The following ZZEF1 variants were observed in gnomAD, a reference collection of about 807,000 sequenced individuals.
The protein encoded by ZZEF1 is zinc finger ZZ-type and EF-hand domain-containing protein 1.
Under a neutral mutation model 342.8 loss-of-function variants are expected in ZZEF1, and 157 were observed. The ratio of observed to expected loss-of-function variants is 0.46; its 90% confidence interval spans 0.40 to 0.52. The LOEUF (loss-of-function observed/expected upper bound fraction) is 0.52. Among genes scored for constraint, ZZEF1 ranks in the 20% least tolerant of loss-of-function variants. The pLI is 0.00. For synonymous variants in ZZEF1, 1,505 were observed against 1,429.1 expected, an observed-to-expected ratio of 1.05 and a Z score of -1.20; for missense variants, 3,480 against 3,725.6, an observed-to-expected ratio of 0.93 and a Z score of 1.72.
At chr17:4,081,560 C>T in intron 17 of ZZEF1, 70 bp from the exon 18 acceptor site, 2 of 1,320,176 alleles carry the variant, frequency 1.5e-6, no homozygotes, top group Non-Finnish European at 2.1e-6. Flanking sequence ...TTAAAAGATT[C>T]CAAAACAGAG....
intron 13 of ZZEF1, among the ~76,000 whole-genome samples, chr17:4,087,783 A>AACACACACACAC (rs10522603): frequency 0.028 from 4,071 of 145,934 alleles, 93 homozygotes; most frequent in African/African-American, 0.032. Flanking sequence ...ATATACACAC[A>AACACACACACAC]ACACACACAC....
intron 2 of ZZEF1, 91 bp downstream of exon 2, chr17:4,123,816 A>C: frequency 6.9e-7 from 1 of 1,446,170 alleles, no homozygotes; most frequent in South Asian, 1.4e-5. Flanking sequence ...GGGGGAGTTT[A>C]CTGCATGTGG....
rs887335142 is a variant in ZZEF1 at position 4,006,759 on chromosome 17, A to T, written c.*131T>A. On this transcript the variant is annotated 3_prime_UTR_variant, in exon 55 of 55. Coordinates refer to ENST00000381638, the MANE Select transcript of ZZEF1 (RefSeq NM_015113.4). ...GCTCTTGGAGACGTGGCTGCTTGGCATCCTAACTGGAGTGGTCAGCTCAAG... is the reference window on the plus strand; with the variant it reads ...GCTCTTGGAGACGTGGCTGCTTGGCTTCCTAACTGGAGTGGTCAGCTCAAG... 9.6e-6 allele frequency: 9 copies of T among 939,422 alleles called. No homozygotes were observed. The South Asian group carries it at 1.3e-4, about 13-fold the overall frequency. The allele number at this position is 939,422 out of a possible 1,614,324, so 58.2% of individuals were successfully genotyped here.
chr17:4,064,873 A>C (rs1431659817), intron 28 of ZZEF1, 44 bp from the exon 29 acceptor site: 5 of 1,425,204 alleles, frequency 3.5e-6, no homozygotes, highest in African/African-American at 1.4e-5. Context: ...AAAAAGTTAA[A>C]ATTATGGGGG....
At chr17:4,044,461 T>G (rs1253494128) in intron 37 of ZZEF1, 87 bp from the exon 38 acceptor site, 6 of 1,282,350 alleles carry the variant, frequency 4.7e-6, no homozygotes, top group African/African-American at 1.5e-5. Flanking sequence ...GATTAGCCAG[T>G]CTTCATAGAC....
In ZZEF1 at chr17:4,016,563, A is replaced by C; in HGVS notation, c.8002-97T>G. The stretch of plus-strand genomic sequence containing the variant: ...CCAAGCTCCACCCAAAGGTGCTGGC[A>C]TCATCTTAGACCTAGGACGAGCCTC... On this transcript the variant is annotated intron_variant, in intron 48 of 54. Coordinates refer to ENST00000381638, the MANE Select transcript of ZZEF1 (RefSeq NM_015113.4). This position sits in a 1 kb window ranked among gnomAD's most constrained non-coding sequence, Gnocchi z 4.4. The C allele has an allele frequency of 6.9e-7, 1 of 1,445,694 alleles. No individual in the cohort carries two copies. Among genetic ancestry groups the C allele is most frequent in the Non-Finnish European group, 9.2e-7 (1 of 1,088,400 alleles). 89.6% of individuals were successfully genotyped at this position (1,445,694 alleles called of 1,614,324 possible).
intron 52 of ZZEF1, 134 bp from the exon 53 acceptor site, chr17:4,009,891 C>T (rs1467150448): frequency 5.0e-6 from 5 of 1,006,894 alleles, no homozygotes. Flanking sequence ...AGTCGCCTCA[C>T]CTATGCTCCC....
Position 4,090,775 on chromosome 17 carries a change from GT to G in ZZEF1, c.1968del (p.Glu656AspfsTer11), listed in dbSNP as rs1473714936. 6.2e-7 allele frequency: 1 copy of G among 1,614,112 alleles called. No individual in the cohort carries two copies. The highest frequency in any genetic ancestry group is 1.1e-5 in the South Asian group (1 of 91,086). On this transcript the variant is annotated frameshift_variant, in exon 12 of 55. Transcript: ENST00000381638. LOFTEE classifies it high-confidence loss of function. ...TCTGCTTCATCCCATTCTTCTTCCA[GT>G]TCAAACCAGCCAATAGGATCATCCT... ...LGEDDPIGWF[E>X]LEEEWDEADV...
In ZZEF1 at chr17:4,054,050, A is replaced by T. The variant is rs1236481507; in HGVS notation, c.5434+7T>A. ...TGGATACGGCGTACCCAGTTCATGA[A>T]ATTTACCTAGGAAGCAAGTTTTGCA... On this transcript the variant is annotated splice_region_variant and intron_variant, in intron 34 of 54. Transcript: ENST00000381638. The T allele has an allele frequency of 6.2e-7, 1 of 1,608,342 alleles. No homozygotes were observed. The highest frequency in any genetic ancestry group is 1.3e-5 in the African/African-American group (1 of 74,828).
In ZZEF1 at chr17:4,017,509, G is replaced by A. The variant is rs372272993; in HGVS notation, c.7863C>T (p.His2621=). ...NEATAVLYAR[H]VLASLLAEWP... The stretch of plus-strand genomic sequence containing the variant: ...ACTCGGCGAGCAGGGATGCAAGCAC[G>A]TGGCGGGCGTACAGGACAGCTGTGG... Residue 2621 remains histidine, a synonymous_variant, in exon 48 of 55, where the codon CAC becomes CAT. Transcript: ENST00000381638. This position sits in a 1 kb window ranked among gnomAD's most constrained non-coding sequence, Gnocchi z 5.1. The A allele has an allele frequency of 5.2e-5, 84 of 1,614,158 alleles. No individual in the cohort carries two copies. The highest frequency in any genetic ancestry group is 6.8e-5 in the Non-Finnish European group (80 of 1,180,064).
chr17:4,078,538 C>T (rs1393852350), intron 18 of ZZEF1, among the ~76,000 whole-genome samples: 1 of 152,156 alleles, frequency 6.6e-6, no homozygotes, highest in Non-Finnish European at 1.5e-5. Context: ...TACAGATGTG[C>T]TGGGTAGGAG....
In ZZEF1 at chr17:4,075,181, G is replaced by C; in HGVS notation, c.3402-3C>G. On this transcript the variant is annotated splice_region_variant and splice_polypyrimidine_tract_variant and intron_variant, in intron 22 of 54. Coordinates refer to ENST00000381638, the MANE Select transcript of ZZEF1 (RefSeq NM_015113.4). ...CGGTAAATTCCAGATAATCATACCT[G>C]TGAAGGCATAACCTCTATTAGCTTC... is the stretch of plus-strand genomic sequence containing the variant. The C allele has an allele frequency of 6.2e-7, 1 of 1,614,180 alleles. No individual in the cohort carries two copies.
At chr17:4,082,680 C>T (rs2057746504) in intron 16 of ZZEF1, among the ~76,000 whole-genome samples, 176 bp from the exon 17 acceptor site, 1 of 152,190 alleles carries the variant, frequency 6.6e-6, no homozygotes, top group Admixed American at 6.5e-5. Flanking sequence ...TGGAGCAGAA[C>T]CAACCATCTA....
chr17:4,121,688 A>T (rs576397237), intron 2 of ZZEF1, among the ~76,000 whole-genome samples: 25 of 152,262 alleles, frequency 1.6e-4, no homozygotes, highest in African/African-American at 5.8e-4. Flanking sequence ...GTATAACATT[A>T]CATAATTAAA....
intron 52 of ZZEF1, 139 bp from the exon 53 acceptor site, chr17:4,009,896 G>T: frequency 2.0e-6 from 2 of 988,112 alleles, no homozygotes; most frequent in Non-Finnish European, 1.5e-6. Context: ...CCTCACCTAT[G>T]CTCCCCACAA....
Position 4,008,798 on chromosome 17 carries a change from A to C in ZZEF1, c.8805+85T>G. 2 of 1,516,170 alleles carry C rather than the reference A, an allele frequency of 1.3e-6. No homozygotes were observed. The highest frequency in any genetic ancestry group is 1.8e-6 in the Non-Finnish European group (2 of 1,131,370). The allele number at this position is 1,516,170 out of a possible 1,614,324, so 93.9% of individuals were successfully genotyped here. A position where few individuals can be genotyped will look rare whatever the true frequency, so the allele number is the denominator to read the frequency against. On this transcript the variant is annotated intron_variant, in intron 54 of 54. Transcript: ENST00000381638. The surrounding 1 kb of genome is among the most constrained non-coding windows in gnomAD (Gnocchi z 4.2). ...GGTGGATTCTGTCCTACTCAGACGC[A>C]ATGTACAGACCTTCTCTGCCCTGGC... is the stretch of plus-strand genomic sequence containing the variant.
intron 12 of ZZEF1, 80 bp from the exon 13 acceptor site, chr17:4,088,973 G>T: frequency 7.3e-7 from 1 of 1,375,488 alleles, no homozygotes; most frequent in Non-Finnish European, 1.0e-6. Flanking sequence ...GGCCTTTCCG[G>T]GAAGGTCTTC....
At chr17:4,135,992 TTC>T (rs951241454) in intron 1 of ZZEF1, among the ~76,000 whole-genome samples, 6 of 132,950 alleles carry the variant, frequency 4.5e-5, no homozygotes, top group African/African-American at 1.0e-4. Flanking sequence ...CTCTGATATT[TTC>T]TCTTTTTTTT....
chr17:4,068,237 A>G (rs1344564594), intron 26 of ZZEF1, among the ~76,000 whole-genome samples: 4 of 152,192 alleles, frequency 2.6e-5, no homozygotes, highest in Admixed American at 2.6e-4. Context: ...AAGCTTTTCT[A>G]TACTTAGGTT....
Sources: allele counts gnomAD v4.1 joint callset (sites outside exome capture counted in the v4.1 genomes callset), GRCh38; gene constraint gnomAD v4.1.1; non-coding constraint Gnocchi (gnomAD v3.1); transcripts MANE v1.5; gene names NCBI Gene and HGNC (gene_info 2026-07-23, HGNC 2026-07-21).